Variants in DTX3L observed in about 807,000 individuals in gnomAD.
DTX3L encodes E3 ubiquitin-protein ligase DTX3L.
Under a neutral mutation model 60.9 loss-of-function variants are expected in DTX3L, and 34 were observed. The observed-to-expected ratio is 0.56, with a 90% CI of 0.42 to 0.74. The LOEUF is 0.74. Among genes scored for constraint, DTX3L ranks in the 30% least tolerant of loss-of-function variants. DTX3L has a pLI of 0.00. For synonymous variants in DTX3L, 290 were observed against 316.6 expected (o/e 0.92, Z 0.89); for missense variants, 810 against 874.0 (o/e 0.93, Z 0.92).
chr3:122,565,535 AGAAG>A (rs1458083066), intron 1 of DTX3L, among the ~76,000 whole-genome samples: 18 of 139,320 alleles, frequency 1.3e-4, no homozygotes, highest in Non-Finnish European at 1.9e-4. Flanking sequence ...AAAAAAAAAA[AGAAG>A]GAAGGAAGGG....
At chr3:122,565,584 A>T (rs2107778646) in intron 1 of DTX3L, among the ~76,000 whole-genome samples, 2 of 150,764 alleles carry the variant, frequency 1.3e-5, no homozygotes, top group Admixed American at 1.3e-4. Flanking sequence ...AGGAAAGGGG[A>T]GACTGGAGAC....
chr3:122,572,264 T>A lies in DTX3L; in HGVS notation c.*517T>A, dbSNP rs1025211093. The A allele has an allele frequency of 6.5e-6, 1 of 152,682 alleles. No individual in the cohort carries two copies. The highest frequency in any genetic ancestry group is 1.5e-5 in the Non-Finnish European group (1 of 68,446). The allele number at this position is 152,682 out of a possible 1,614,324, so 9.5% of individuals were successfully genotyped here. Reference sequence around the variant, plus strand: ...AAAAGCCCCCCAAATCTGTGTAAAATCTGCTGCAAAGGTGTCATCCCTCTT... The same window carrying A: ...AAAAGCCCCCCAAATCTGTGTAAAAACTGCTGCAAAGGTGTCATCCCTCTT... On this transcript the variant is annotated 3_prime_UTR_variant, in exon 5 of 5. Transcript: ENST00000296161.
At chr3:122,566,191 G>A (rs2080586909) in intron 2 of DTX3L, 121 bp downstream of exon 2, 1 of 808,228 alleles carries the variant, frequency 1.2e-6, no homozygotes. Context: ...ACTGTTTTAG[G>A]CACTGGACAC....
intron 1 of DTX3L, 66 bp downstream of exon 1, chr3:122,564,679 C>G: frequency 6.5e-7 from 1 of 1,538,620 alleles, no homozygotes. Flanking sequence ...TCCAGGCGGA[C>G]CCAGTTCCAG....
In DTX3L at chr3:122,569,743, G is replaced by A. The variant is rs1559903856; in HGVS notation, c.1654G>A (p.Glu552Lys). 1.2e-6 allele frequency: 2 copies of A among 1,614,048 alleles called. No individual in the cohort carries two copies. Among genetic ancestry groups the A allele is most frequent in the African/African-American group, 2.7e-5 (2 of 74,914 alleles). The change falls in exon 3 of 5, where the codon GAA (glutamate) becomes AAA (lysine). Residue 552 changes from glutamate (E) to lysine (K), a missense_variant. Coordinates refer to ENST00000296161, the MANE Select transcript of DTX3L (RefSeq NM_138287.3). ...GGGCTCTGTGAGTTCTGAGGCCTCA[G>A]AACTGGACAAGAAGGAAAAGGGCAT... ...LKGSVSSEASELDKKEKGICV... is the reference protein window; with the variant it reads ...LKGSVSSEASKLDKKEKGICV...
rs149177437 is a variant in DTX3L, at chr3:122,568,700, C to T, written c.611C>T (p.Ser204Leu). ...GAGCAGAAACAACAATTTTCCCCTT[C>T]AATGACAGAGAGGAAGCCACTCAGT... ...ESEQKQQFSP[S>L]MTERKPLSQQ... Residue 204 changes from serine (S) to leucine (L), a missense_variant, in exon 3 of 5, where the codon TCA becomes TTA. Ser to Leu is a moderately radical substitution (Grantham distance 145). Transcript: ENST00000296161. The T allele has an allele frequency of 6.9e-5, 112 of 1,614,182 alleles. No homozygotes were observed. The African/African-American group carries it at 1.1e-3, about 16-fold the overall frequency.
Position 122,565,893 on chromosome 3 carries a change from A to T in DTX3L, c.222A>T (p.Gln74His), listed in dbSNP as rs1310816521. 3.1e-6 allele frequency: 5 copies of T among 1,614,042 alleles called. No individual in the cohort carries two copies. Among genetic ancestry groups the T allele is most frequent in the Non-Finnish European group, 4.2e-6 (5 of 1,180,048 alleles). ...KERVLKKGEH[Q>H]ILVDEKPVPI... The stretch of plus-strand genomic sequence containing the variant: ...GAGTGTTGAAAAAAGGAGAGCACCA[A>T]ATACTTGTTGACGAAAAACCTGTGC... The change falls in exon 2 of 5, where the codon CAA becomes CAT. Residue 74 changes from glutamine to histidine, a missense_variant. Physicochemically the swap from Gln to His is conservative, Grantham distance 24. Transcript: ENST00000296161.
In DTX3L at chr3:122,574,114, A is replaced by G. The variant is rs2080666870; in HGVS notation, c.*2367A>G. ...TGGGCTCCCAAAGTGTTGGGATTAC[A>G]GGCGTGAGTGACCATGCCTAGCTCA... is the stretch of plus-strand genomic sequence containing the variant. On this transcript the variant is annotated 3_prime_UTR_variant, in exon 5 of 5. Coordinates refer to ENST00000296161, the MANE Select transcript of DTX3L (RefSeq NM_138287.3). The G allele has an allele frequency of 6.6e-6, 1 of 152,018 alleles. No homozygotes were observed. Among genetic ancestry groups the G allele is most frequent in the Non-Finnish European group, 1.5e-5 (1 of 68,050 alleles). The allele number at this position is 152,018 out of a possible 1,614,324, so 9.4% of individuals were successfully genotyped here. A position where few individuals can be genotyped will look rare whatever the true frequency, so the allele number is the denominator to read the frequency against.
Position 122,570,810 on chromosome 3 carries a change from T to C in DTX3L, c.2153+138T>C, listed in dbSNP as rs189982597. 1.7e-4 allele frequency: 151 copies of C among 873,962 alleles called. 1 individual carries two copies. The African/African-American group carries it at 2.3e-3, about 14-fold the overall frequency. 54.1% of individuals were successfully genotyped at this position (873,962 alleles called of 1,614,324 possible). Reference sequence around the variant, plus strand: ...GAGAGCTGCTGATCGGGGATGGTAATCTCAAAGACAGAAAGATTGGTCCCC... The same window carrying C: ...GAGAGCTGCTGATCGGGGATGGTAACCTCAAAGACAGAAAGATTGGTCCCC... On this transcript the variant is annotated intron_variant, in intron 4 of 4. Transcript: ENST00000296161.
chr3:122,569,810 T>C lies in DTX3L; in HGVS notation c.1721T>C (p.Leu574Pro), dbSNP rs372814112. ...CMDTISNKKV[L>P]PKCKHEFCAP... ...GACACCATTAGTAACAAAAAAGTGC[T>C]ACCAAAGTGCAAGCATGAATTCTGC... Residue 574 changes from leucine (L) to proline (P), a missense_variant, in exon 3 of 5, where the codon CTA (leucine) becomes CCA (proline). Leu to Pro is a moderately conservative substitution (Grantham distance 98). Coordinates refer to ENST00000296161, the MANE Select transcript of DTX3L (RefSeq NM_138287.3). The C allele has an allele frequency of 3.7e-6, 6 of 1,614,036 alleles. No homozygotes were observed. The African/African-American group carries it at 8.0e-5, about 22-fold the overall frequency.
intron 2 of DTX3L, among the ~76,000 whole-genome samples, chr3:122,567,429 T>G (rs185892087): frequency 1.3e-5 from 2 of 152,244 alleles, no homozygotes; most frequent in Admixed American, 1.3e-4. Context: ...GAGAAATGGC[T>G]GGATTCAGGA....
In DTX3L at chr3:122,574,337, T is replaced by G. The variant is rs1159394645; in HGVS notation, c.*2590T>G. The stretch of plus-strand genomic sequence containing the variant: ...AAATAAGCCTACTATAAGGAATATA[T>G]GACATGCTAAATTTTATTTTTAAAC... On this transcript the variant is annotated 3_prime_UTR_variant, in exon 5 of 5. Transcript: ENST00000296161. The G allele has an allele frequency of 1.3e-5, 2 of 152,188 alleles. No individual in the cohort carries two copies. Among genetic ancestry groups the G allele is most frequent in the Non-Finnish European group, 2.9e-5 (2 of 68,040 alleles). 9.4% of individuals were successfully genotyped at this position (152,188 alleles called of 1,614,324 possible). A position where few individuals can be genotyped will look rare whatever the true frequency, so the allele number is the denominator to read the frequency against.
chr3:122,570,520 T>TAAGG lies in DTX3L; in HGVS notation c.2014_2017dup (p.Val673GlufsTer8), dbSNP rs753485541. ...AGCGAACTGCATACTTGCCTGATAA[T>TAAGG]AAGGAAGGAAGGAAGGTTTTGAAAC... On this transcript the variant is annotated frameshift_variant, in exon 4 of 5. Transcript: ENST00000296161. LOFTEE classifies it high-confidence loss of function. The TAAGG allele has an allele frequency of 7.4e-6, 12 of 1,613,886 alleles. No individual in the cohort carries two copies. The highest frequency in any genetic ancestry group is 5.0e-5 in the Admixed American group (3 of 59,982).
In DTX3L at chr3:122,571,713, T is replaced by C. The variant is rs1313127913; in HGVS notation, c.2189T>C (p.Val730Ala). 1.2e-6 allele frequency: 2 copies of C among 1,613,410 alleles called. No individual in the cohort carries two copies. Among genetic ancestry groups the C allele is most frequent in the Non-Finnish European group, 1.7e-6 (2 of 1,179,562 alleles). Residue 730 changes from valine to alanine, a missense_variant, in exon 5 of 5, where the codon GTC (valine) becomes GCC (alanine). Coordinates refer to ENST00000296161, the MANE Select transcript of DTX3L (RefSeq NM_138287.3). The stretch of plus-strand genomic sequence containing the variant: ...CCTGATCCTTCTTACCTGAAACGTG[T>C]CAAAGAGGAGCTGAAAGCCAAAGGA... The part of the protein sequence containing the change: ...GYPDPSYLKR[V>A]KEELKAKGIE
In DTX3L at chr3:122,569,028, A is replaced by C; in HGVS notation, c.939A>C (p.Ala313=). ...EPLKQECVSL[A]DSKQANKFKQ... ...TGAAGCAAGAATGTGTCTCTTTAGC[A>C]GACAGTAAGCAGGCAAATAAATTCA... The change falls in exon 3 of 5, where the codon GCA becomes GCC. Residue 313 remains alanine (A), a synonymous_variant. Transcript: ENST00000296161. The C allele has an allele frequency of 1.2e-6, 2 of 1,614,196 alleles. No individual in the cohort carries two copies. Among genetic ancestry groups the C allele is most frequent in the Non-Finnish European group, 1.7e-6 (2 of 1,180,034 alleles).
intron 4 of DTX3L, 137 bp from the exon 5 acceptor site, chr3:122,571,541 A>G (rs949198864): frequency 3.1e-6 from 2 of 650,354 alleles, no homozygotes; most frequent in African/African-American, 1.8e-5. Context: ...TTTAAAAGTC[A>G]TGATACGTCA....
Position 122,568,500 on chromosome 3 carries a change from T to G in DTX3L, c.411T>G (p.Thr137=). The change falls in exon 3 of 5, where the codon ACT becomes ACG. Residue 137 remains threonine (T), a synonymous_variant. Coordinates refer to ENST00000296161, the MANE Select transcript of DTX3L (RefSeq NM_138287.3). ...TTTTAAAATTTCAGATCTTTCTTAC[T>G]GTAACAGCTGACCTGAACTGTAACC... ...VDSCLQKIFL[T]VTADLNCNLF... is the part of the protein sequence containing the mutation. 5 of 1,595,910 alleles carry G rather than the reference T, an allele frequency of 3.1e-6. No homozygotes were observed. The highest frequency in any genetic ancestry group is 4.3e-6 in the Non-Finnish European group (5 of 1,172,432).
At chr3:122,565,512 T>TAAAAA (rs770609802) in intron 1 of DTX3L, among the ~76,000 whole-genome samples, 21 of 52,996 alleles carry the variant, frequency 4.0e-4, no homozygotes, top group Admixed American at 1.0e-3. Context: ...AGACTCCGTC[T>TAAAAA]AAAAAAAAAA....
chr3:122,568,242 G>A (rs1352053350), intron 2 of DTX3L, among the ~76,000 whole-genome samples: 3 of 152,188 alleles, frequency 2.0e-5, no homozygotes, highest in African/African-American at 7.2e-5. Flanking sequence ...CCGGGAGGCG[G>A]AGGTTGCAGT....
Sources: gnomAD v4.1 joint callset for allele counts (sites outside exome capture counted in the v4.1 genomes callset) on GRCh38, gnomAD v4.1.1 for gene constraint, MANE v1.5 for transcripts, NCBI Gene and HGNC (gene_info 2026-07-23, HGNC 2026-07-21) for gene names.